The following CCSER1 variants were observed in gnomAD, a reference collection of about 807,000 sequenced individuals.
CCSER1 encodes the protein serine-rich coiled-coil domain-containing protein 1.
A neutral mutation model predicts 82.0 loss-of-function variants in CCSER1; 41 were observed. That is an observed-to-expected ratio of 0.50 (90% CI 0.39 to 0.65). The LOEUF (loss-of-function observed/expected upper bound fraction) is 0.65, where lower values mean the gene tolerates loss of function less well. CCSER1 is among the 30% of genes least tolerant of loss of function. The probability of loss-of-function intolerance (pLI) is 0.00; values close to 1 mark genes in which losing one functional copy is unlikely to be tolerated. For synonymous variants in CCSER1, 414 were observed against 383.9 expected (o/e 1.08, Z -0.92); for missense variants, 1,119 against 1,064.2 (o/e 1.05, Z -0.72).
chr4:91,504,122 G>C lies in CCSER1; in HGVS notation c.2218-94450G>C, dbSNP rs192666390. Among the ~76,000 whole-genome samples, 1,191 of 152,210 alleles carry C rather than the reference G, an allele frequency of 7.8e-3. 11 individuals carry two copies. Among genetic ancestry groups the C allele is most frequent in the Non-Finnish European group, 8.7e-3 (594 of 67,990 alleles). On this transcript the variant is annotated intron_variant, in intron 10 of 10. Coordinates refer to ENST00000509176, the MANE Select transcript of CCSER1 (RefSeq NM_001145065.2). The stretch of plus-strand genomic sequence containing the variant: ...ACTACATGTCACAGAAAAATTGTAA[G>C]TATGGTTTCAAGAAATATGAAAGTA...
At chr4:90,586,224 G>A (rs1363652877) in intron 5 of CCSER1, among the ~76,000 whole-genome samples, 8 of 152,078 alleles carry the variant, frequency 5.3e-5, no homozygotes, top group African/African-American at 1.2e-4. Context: ...CCTAGGTTGC[G>A]TGCTCCTTGT....
At chr4:91,458,547 T>C (rs10025122) in intron 10 of CCSER1, among the ~76,000 whole-genome samples, 122,653 of 152,090 alleles carry the variant, frequency 0.81, 49,684 homozygotes, top group East Asian at 0.93. Flanking sequence ...ATTTTTCTTT[T>C]TCTGTGAAGA....
At chr4:91,418,896 A>G (rs1353254831) in intron 10 of CCSER1, among the ~76,000 whole-genome samples, 1 of 152,116 alleles carries the variant, frequency 6.6e-6, no homozygotes, top group East Asian at 1.9e-4. Context: ...ATCATAAACC[A>G]TGATCAAGTA....
chr4:90,910,233 G>C (rs1011466596), intron 8 of CCSER1, among the ~76,000 whole-genome samples: 3 of 152,106 alleles, frequency 2.0e-5, no homozygotes. Context: ...CTCCCACCAG[G>C]GCCCTCCCCT....
intron 8 of CCSER1, among the ~76,000 whole-genome samples, chr4:90,894,780 C>T (rs1723462813): frequency 6.6e-6 from 1 of 151,992 alleles, no homozygotes; most frequent in African/African-American, 2.4e-5. Flanking sequence ...ATTCACCAGA[C>T]ACTTTCCATG....
chr4:91,100,256 G>T (rs1724924383), intron 10 of CCSER1, among the ~76,000 whole-genome samples: 1 of 152,048 alleles, frequency 6.6e-6, no homozygotes, highest in African/African-American at 2.4e-5. Flanking sequence ...CACATTACAA[G>T]ACCATAATAA....
At chr4:91,250,360 G>A (rs1485885296) in intron 10 of CCSER1, among the ~76,000 whole-genome samples, 1 of 152,104 alleles carries the variant, frequency 6.6e-6, no homozygotes, top group Non-Finnish European at 1.5e-5. Context: ...GTGTGTATAT[G>A]TATGTTTATT....
In CCSER1 at chr4:90,202,402, C is replaced by T. The variant is rs188900854; in HGVS notation, c.-42+74571C>T. On this transcript the variant is annotated intron_variant, in intron 1 of 10. Coordinates refer to ENST00000509176, the MANE Select transcript of CCSER1 (RefSeq NM_001145065.2). ...ATTTTTAGTAGAGATAGGGTTTTGC[C>T]GTGTTGTCCAGGCTAGTCTCGAACT... is the stretch of plus-strand genomic sequence containing the variant. Among the ~76,000 whole-genome samples, 166 of 152,124 alleles carry T rather than the reference C, an allele frequency of 1.1e-3. 1 individual carries two copies. Among genetic ancestry groups the T allele is most frequent in the South Asian group, 1.9e-3 (9 of 4,812 alleles).
At chr4:91,213,970 G>T (rs1391643693) in intron 10 of CCSER1, among the ~76,000 whole-genome samples, 1 of 152,106 alleles carries the variant, frequency 6.6e-6, no homozygotes, top group Non-Finnish European at 1.5e-5. Flanking sequence ...AGTTTTGTCT[G>T]TTTGGGTTAT....
chr4:90,614,770 G>A (rs866840626), intron 5 of CCSER1, among the ~76,000 whole-genome samples: 2 of 152,322 alleles, frequency 1.3e-5, no homozygotes, highest in South Asian at 4.1e-4. Context: ...AGGTAAAGCA[G>A]CAAGCACTAA....
chr4:91,287,826 G>A (rs1016519596), intron 10 of CCSER1, among the ~76,000 whole-genome samples: 5 of 151,758 alleles, frequency 3.3e-5, no homozygotes, highest in African/African-American at 1.2e-4. Context: ...TAGAAAGAGG[G>A]AAAGGCACAA....
intron 10 of CCSER1, among the ~76,000 whole-genome samples, chr4:91,323,341 A>C (rs1003726658): frequency 6.6e-6 from 1 of 152,158 alleles, no homozygotes. Context: ...ACTCCTCCTT[A>C]GAGGTTCTAA....
At chr4:90,629,199 A>G (rs887023607) in intron 6 of CCSER1, among the ~76,000 whole-genome samples, 5 of 152,178 alleles carry the variant, frequency 3.3e-5, no homozygotes, top group African/African-American at 1.2e-4. Context: ...TTGAATCAGG[A>G]AGAAAAAAGG....
At chr4:90,257,657 A>T (rs28561574) in intron 1 of CCSER1, among the ~76,000 whole-genome samples, 1 of 152,198 alleles carries the variant, frequency 6.6e-6, no homozygotes, top group Non-Finnish European at 1.5e-5. Flanking sequence ...TTTATTTATT[A>T]TAAGGAATTG....
chr4:90,644,296 G>A (rs1396487820), intron 6 of CCSER1, among the ~76,000 whole-genome samples: 2 of 152,002 alleles, frequency 1.3e-5, no homozygotes, highest in African/African-American at 2.4e-5. Context: ...ACAACCTAAC[G>A]ATAATTTTAT....
chr4:90,186,625 AT>A (rs1734665686), intron 1 of CCSER1, among the ~76,000 whole-genome samples: 1 of 151,944 alleles, frequency 6.6e-6, no homozygotes, highest in Non-Finnish European at 1.5e-5. Flanking sequence ...GGAAATCCCC[AT>A]TTTAAATATT....
Position 91,599,136 on chromosome 4 carries a change from A to C in CCSER1, c.*79A>C. 1 of 1,388,620 alleles carries C rather than the reference A, an allele frequency of 7.2e-7. No individual in the cohort carries two copies. Among genetic ancestry groups the C allele is most frequent in the East Asian group, 2.5e-5 (1 of 39,434 alleles). 86.0% of individuals were successfully genotyped at this position (1,388,620 alleles called of 1,614,324 possible). On this transcript the variant is annotated 3_prime_UTR_variant, in exon 11 of 11. Coordinates refer to ENST00000509176, the MANE Select transcript of CCSER1 (RefSeq NM_001145065.2). ...GTGCATAGTTCATATTAAAATTGTC[A>C]TGTACTTTTTCTTACATTTTAGTTA...
At chr4:90,439,466 G>A (rs1017772246) in intron 4 of CCSER1, among the ~76,000 whole-genome samples, 2 of 152,004 alleles carry the variant, frequency 1.3e-5, no homozygotes, top group African/African-American at 4.8e-5. Flanking sequence ...TAACTCATTT[G>A]CAAAAGACTA....
chr4:91,225,313 GTAATATATATGTATATA>G (rs1560528358), intron 10 of CCSER1, among the ~76,000 whole-genome samples: 27 of 119,850 alleles, frequency 2.3e-4, no homozygotes, highest in Middle Eastern at 7.4e-3. Context: ...TATTATATAT[GTAATATATATGTATATA>G]TATTATATAT....
Sources: allele counts gnomAD v4.1 joint callset (sites outside exome capture counted in the v4.1 genomes callset), GRCh38; gene constraint gnomAD v4.1.1; transcripts MANE v1.5; gene names NCBI Gene and HGNC (gene_info 2026-07-23, HGNC 2026-07-21).